TNRC18: variants seen among roughly 807,000 people sequenced by gnomAD.
TNRC18 encodes trinucleotide repeat-containing gene 18 protein.
In TNRC18, 69 loss-of-function variants were observed where a neutral mutation model predicts 226.7. The ratio of observed to expected loss-of-function variants is 0.30; its 90% CI spans 0.25 to 0.37. The LOEUF is 0.37. TNRC18 is among the 10% of genes least tolerant of loss of function. The pLI is 1.00. For synonymous variants in TNRC18, 2,449 were observed against 1,927.6 expected (o/e 1.27, Z -7.09); for missense variants, 4,754 against 4,256.6 (o/e 1.12, Z -3.25).
chr7:5,360,970 C>T (rs1244366499), intron 14 of TNRC18, among the ~76,000 whole-genome samples: 1 of 152,210 alleles, frequency 6.6e-6, no homozygotes, highest in African/African-American at 2.4e-5. Flanking sequence ...CACTCCAACC[C>T]CTTTCCTTGA....
At chr7:5,374,761 C>T (rs1047417898) in intron 9 of TNRC18, among the ~76,000 whole-genome samples, 1 of 152,242 alleles carries the variant, frequency 6.6e-6, no homozygotes, top group Non-Finnish European at 1.5e-5. Context: ...GGGACCTCCA[C>T]CAGGACCCCG....
intron 15 of TNRC18, 130 bp from the exon 16 acceptor site, chr7:5,357,406 G>T: frequency 2.0e-6 from 2 of 1,000,476 alleles, no homozygotes; most frequent in Admixed American, 3.0e-5. Context: ...CTCTTAGCAC[G>T]CATATATATT....
intron 17 of TNRC18, among the ~76,000 whole-genome samples, chr7:5,348,996 G>C (rs4265101): frequency 6.6e-6 from 1 of 151,934 alleles, no homozygotes; most frequent in African/African-American, 2.4e-5. Flanking sequence ...GGGGTTGGAC[G>C]TGAGGCCAGG....
intron 4 of TNRC18, 24 bp from the exon 5 acceptor site, chr7:5,389,360 A>G: frequency 8.0e-7 from 1 of 1,248,152 alleles, no homozygotes; most frequent in Non-Finnish European, 1.0e-6. Flanking sequence ...AACAGCAGGC[A>G]GTGAGCGAGC....
chr7:5,377,631 G>C lies in TNRC18; in HGVS notation c.2256-55C>G, dbSNP rs1779088690. 6.6e-7 allele frequency: 1 copy of C among 1,506,932 alleles called. No homozygotes were observed. The highest frequency in any genetic ancestry group is 9.0e-7 in the Non-Finnish European group (1 of 1,113,456). The allele number at this position is 1,506,932 out of a possible 1,614,324, so 93.3% of individuals were successfully genotyped here. On this transcript the variant is annotated intron_variant, in intron 6 of 29. Transcript: ENST00000430969. This position sits in a 1 kb window ranked among gnomAD's most constrained non-coding sequence, Gnocchi z 5.8. ...AGCTCGGACAGCCCAGGGGACGAGAGGGAGAAGCGGGGTTGCCCCAAGGAA... is the reference window on the plus strand; with the variant it reads ...AGCTCGGACAGCCCAGGGGACGAGACGGAGAAGCGGGGTTGCCCCAAGGAA...
intron 2 of TNRC18, among the ~76,000 whole-genome samples, chr7:5,399,571 T>A (rs989779830): frequency 5.3e-5 from 8 of 151,954 alleles, no homozygotes; most frequent in African/African-American, 1.5e-4. Flanking sequence ...CCGGGCGTGG[T>A]GGCACACAAC....
At chr7:5,338,485 C>A (rs1008319439) in intron 18 of TNRC18, among the ~76,000 whole-genome samples, 12 of 152,018 alleles carry the variant, frequency 7.9e-5, no homozygotes, top group African/African-American at 2.9e-4. Flanking sequence ...GTGGCTCAGG[C>A]CTGTAATCCC....
rs757898885 is a variant in TNRC18, at chr7:5,390,585, G to A, written c.387C>T (p.His129=). 1 of 1,612,380 alleles carries A rather than the reference G, an allele frequency of 6.2e-7. No individual in the cohort carries two copies. The highest frequency in any genetic ancestry group is 1.3e-5 in the African/African-American group (1 of 74,988). ...TGCTGGGGGGCTCCAGGTGGTTCAGGTGGAGGTAGGATGGGTACAGCCCAC... is the reference window on the plus strand; with the variant it reads ...TGCTGGGGGGCTCCAGGTGGTTCAGATGGAGGTAGGATGGGTACAGCCCAC... ...LPSGLYPSYL[H]LNHLEPPSSG... The change falls in exon 4 of 30, where the codon CAC becomes CAT. Residue 129 remains histidine, a synonymous_variant. Transcript: ENST00000430969.
rs780515310 is a variant in TNRC18 at position 5,313,805 on chromosome 7, T to C, written c.7086A>G (p.Leu2362=). Reference sequence around the variant, plus strand: ...CTGGGGTGCTGCTCGGCTCCAGGGCTAAGGGGGTACTGGGGACCTCGTCTG... The same window carrying C: ...CTGGGGTGCTGCTCGGCTCCAGGGCCAAGGGGGTACTGGGGACCTCGTCTG... ...NPTDEVPSTP[L]ALEPSSTPGS... The change falls in exon 27 of 30, where the codon TTA becomes TTG. Residue 2362 remains leucine, a synonymous_variant. Transcript: ENST00000430969. 3.3e-6 allele frequency: 5 copies of C among 1,521,734 alleles called. No homozygotes were observed. In the Admixed American group the frequency reaches 6.6e-5, roughly 20 times the overall value. 94.3% of individuals were successfully genotyped at this position (1,521,734 alleles called of 1,614,324 possible). A position where few individuals can be genotyped will look rare whatever the true frequency, so the allele number is the denominator to read the frequency against.
At chr7:5,348,310 T>C (rs1048681694) in intron 17 of TNRC18, among the ~76,000 whole-genome samples, 1 of 152,152 alleles carries the variant, frequency 6.6e-6, no homozygotes, top group Admixed American at 6.5e-5. Flanking sequence ...ACCAGAGTGC[T>C]GGGAGCGGGA....
At position 5,372,450 on chromosome 7, in the gene TNRC18, T is replaced by C. The variant is rs541126922; in HGVS notation, c.3230-1086A>G. ...GTTGGTCAGGCCAGTCTCAAACTCC[T>C]AACCTCAGGTGATCCACCCGCCTCA... On this transcript the variant is annotated intron_variant, in intron 10 of 29. Transcript: ENST00000430969. Among the ~76,000 whole-genome samples the C allele has an allele frequency of 1.2e-4, 17 of 146,842 alleles. No individual in the cohort carries two copies. The South Asian group carries it at 3.2e-3, about 28-fold the overall frequency.
intron 14 of TNRC18, among the ~76,000 whole-genome samples, chr7:5,360,923 C>A (rs1339035711): frequency 6.6e-6 from 1 of 152,212 alleles, no homozygotes; most frequent in Non-Finnish European, 1.5e-5. Context: ...CTTGAGCCGC[C>A]TAGCGTCTAC....
At chr7:5,408,892 G>A (rs1470614850) in intron 2 of TNRC18, among the ~76,000 whole-genome samples, 1 of 152,166 alleles carries the variant, frequency 6.6e-6, no homozygotes, top group Non-Finnish European at 1.5e-5. Context: ...AGGGAAAGAT[G>A]GAACCACTGA....
intron 11 of TNRC18, among the ~76,000 whole-genome samples, chr7:5,367,523 G>A (rs1470407387): frequency 6.6e-6 from 1 of 151,126 alleles, no homozygotes; most frequent in Non-Finnish European, 1.5e-5. Context: ...CGCCTCCCAG[G>A]TTCAAGTGAT....
At chr7:5,376,314 C>T (rs1180430878) in intron 8 of TNRC18, 90 bp from the exon 9 acceptor site, 1 of 1,152,516 alleles carries the variant, frequency 8.7e-7, no homozygotes, top group Admixed American at 3.2e-5. Context: ...AGAGAGGGGC[C>T]ACACCCACAC....
rs1359551893 is a variant in TNRC18, at chr7:5,312,350, T to C, written c.8388+153A>G. Among the ~76,000 whole-genome samples, 1 of 152,176 alleles carries C rather than the reference T, an allele frequency of 6.6e-6. No individual in the cohort carries two copies. Among genetic ancestry groups the C allele is most frequent in the African/African-American group, 2.4e-5 (1 of 41,450 alleles). On this transcript the variant is annotated intron_variant, in intron 27 of 29. Coordinates refer to ENST00000430969, the MANE Select transcript of TNRC18 (RefSeq NM_001080495.3). This position sits in a 1 kb window ranked among gnomAD's most constrained non-coding sequence, Gnocchi z 6.3. ...CAGGTGCCTGAGGACACTCTGAGAC[T>C]CAGTGTACCCATCCATAAAGTGGGA...
In TNRC18 at chr7:5,362,686, G is replaced by A; in HGVS notation, c.4359C>T (p.Asn1453=). ...NLRLPRELKP[N]KKYSWMRKKE... ...TCTTGCGCATCCAGCTGTACTTCTTGTTGGGCTTCAGCTCCCGCGGGAGCC... is the reference window on the plus strand; with the variant it reads ...TCTTGCGCATCCAGCTGTACTTCTTATTGGGCTTCAGCTCCCGCGGGAGCC... The change falls in exon 12 of 30, where the codon AAC becomes AAT. Residue 1453 remains asparagine (N), a synonymous_variant. Transcript: ENST00000430969. 7 of 1,589,008 alleles carry A rather than the reference G, an allele frequency of 4.4e-6. No homozygotes were observed. The highest frequency in any genetic ancestry group is 2.3e-5 in the East Asian group (1 of 43,792).
At chr7:5,363,567 G>A (rs574326687) in intron 11 of TNRC18, among the ~76,000 whole-genome samples, 4 of 152,244 alleles carry the variant, frequency 2.6e-5, no homozygotes, top group East Asian at 1.9e-4. Context: ...TGGCGCCACT[G>A]CACTCCAGCC....
chr7:5,332,561 C>T (rs1789641573), intron 19 of TNRC18, 61 bp downstream of exon 19: 1 of 1,459,920 alleles, frequency 6.8e-7, no homozygotes, highest in Non-Finnish European at 9.0e-7. Flanking sequence ...GGGGAGAGGG[C>T]CCCTCCCTCA....
Sources: gnomAD v4.1 joint callset for allele counts (sites outside exome capture counted in the v4.1 genomes callset) on GRCh38, gnomAD v4.1.1 for gene constraint, Gnocchi (gnomAD v3.1) non-coding constraint, MANE v1.5 for transcripts, NCBI Gene and HGNC (gene_info 2026-07-23, HGNC 2026-07-21) for gene names.